Variants in S100B observed in about 807,000 individuals in gnomAD.
S100B encodes the protein S100 calcium binding protein B.
Under a neutral mutation model 7.7 loss-of-function variants are expected in S100B, and 6 were observed. The observed-to-expected ratio is 0.78, with a 90% CI of 0.43 to 1.54. The LOEUF is 1.54. S100B is among the 40% of genes most tolerant of loss of function. The probability of loss-of-function intolerance (pLI) is 0.01; values close to 1 mark genes in which losing one functional copy is unlikely to be tolerated. For missense variants in S100B, 99 were observed against 111.8 expected, an observed-to-expected ratio of 0.89 and a Z score of 0.52; for synonymous variants, 36 against 40.4, an observed-to-expected ratio of 0.89 and a Z score of 0.41.
At chr21:46,603,134 G>C (rs1400703941) in intron 1 of S100B, among the ~76,000 whole-genome samples, 1 of 151,550 alleles carries the variant, frequency 6.6e-6, no homozygotes, top group African/African-American at 2.4e-5. Context: ...TTGGATGGGT[G>C]ACATGACAAA....
chr21:46,601,335 A>G (rs1429332054), intron 2 of S100B, among the ~76,000 whole-genome samples: 2 of 152,060 alleles, frequency 1.3e-5, no homozygotes, highest in Non-Finnish European at 2.9e-5. Context: ...CATATCAGTG[A>G]CCCAGGAAGC....
chr21:46,604,456 G>A (rs1029029410), intron 1 of S100B, among the ~76,000 whole-genome samples: 11 of 152,260 alleles, frequency 7.2e-5, no homozygotes, highest in East Asian at 1.9e-4. Flanking sequence ...CCAAAACCCC[G>A]ATTTCTTTGA....
chr21:46,603,083 T>A (rs2061046170), intron 1 of S100B, among the ~76,000 whole-genome samples: 1 of 152,098 alleles, frequency 6.6e-6, no homozygotes, highest in Non-Finnish European at 1.5e-5. Context: ...TAAATTCATA[T>A]GTAAATTTAA....
At chr21:46,604,245 C>G (rs1051176592) in intron 1 of S100B, among the ~76,000 whole-genome samples, 4 of 152,136 alleles carry the variant, frequency 2.6e-5, no homozygotes, top group Non-Finnish European at 5.9e-5. Flanking sequence ...TATAGTTTAT[C>G]TTTTAAGAGA....
chr21:46,601,816 G>A (rs1601893666), intron 2 of S100B, among the ~76,000 whole-genome samples: 1 of 152,248 alleles, frequency 6.6e-6, no homozygotes, highest in South Asian at 2.1e-4. Context: ...CATGTCTGTC[G>A]TGCCTGCATA....
chr21:46,602,491 A>G (rs2061044273), intron 1 of S100B, 75 bp from the exon 2 acceptor site: 1 of 1,450,308 alleles, frequency 6.9e-7, no homozygotes, highest in African/African-American at 1.4e-5. Context: ...ATCAATACAG[A>G]CCTCAACCCA....
chr21:46,603,466 T>C (rs2839359), intron 1 of S100B, among the ~76,000 whole-genome samples: 20,251 of 142,192 alleles, frequency 0.14, 1,576 homozygotes, highest in Middle Eastern at 0.21. Context: ...TCACAGCAAG[T>C]ACCTTACGCC....
Position 46,599,361 on chromosome 21 carries a change from T to C in S100B, c.*2A>G. ...CAGGAAAGGTTTGGCTGCTTTCTAA[T>C]CTCACTCATGTTCAAAGAACTCGTG... is the stretch of plus-strand genomic sequence containing the variant. On this transcript the variant is annotated 3_prime_UTR_variant, in exon 3 of 3. Transcript: ENST00000291700. The C allele has an allele frequency of 1.2e-6, 2 of 1,613,414 alleles. No homozygotes were observed. The highest frequency in any genetic ancestry group is 1.7e-6 in the Non-Finnish European group (2 of 1,179,792).
At chr21:46,603,392 A>AGGGGGGGGGGGGAGGGGGGGGGGGGGG (rs1555923741) in intron 1 of S100B, among the ~76,000 whole-genome samples, 1 of 38,206 alleles carries the variant, frequency 2.6e-5, no homozygotes. Flanking sequence ...GGACGGCGGG[A>AGGGGGGGGGGGGAGGGGGGGGGGGGGG]GGGGGTGGGG....
At chr21:46,601,153 C>T (rs2061040304) in intron 2 of S100B, among the ~76,000 whole-genome samples, 1 of 152,198 alleles carries the variant, frequency 6.6e-6, no homozygotes, top group African/African-American at 2.4e-5. Flanking sequence ...GACTGCCGTG[C>T]TGCTGGAGCC....
intron 2 of S100B, chr21:46,600,456 G>A (rs2061038512): frequency 1.6e-5 from 6 of 382,904 alleles, no homozygotes; most frequent in South Asian, 1.2e-4. Context: ...TGAGGCGGAG[G>A]ATCGCTTGAG....
chr21:46,603,398 T>TGGGGGGAGGGGGGGGCTGGGGGGGGGGG, intron 1 of S100B, among the ~76,000 whole-genome samples: 1 of 52,070 alleles, frequency 1.9e-5, no homozygotes, highest in African/African-American at 7.1e-5. Flanking sequence ...CGGGAGGGGG[T>TGGGGGGAGGGGGGGGCTGGGGGGGGGGG]GGGGGCAGGA....
At chr21:46,602,167 C>G in intron 2 of S100B, 111 bp downstream of exon 2, 1 of 1,051,322 alleles carries the variant, frequency 9.5e-7, no homozygotes, top group Non-Finnish European at 1.4e-6. Context: ...GCCCAGGAGT[C>G]TTGGAAGGGA....
intron 1 of S100B, chr21:46,602,722 C>G (rs1009663915): frequency 8.1e-5 from 21 of 257,778 alleles, no homozygotes; most frequent in South Asian, 1.7e-4. Context: ...GGCAAAAATA[C>G]AGAGGCAGAG....
intron 1 of S100B, among the ~76,000 whole-genome samples, chr21:46,603,398 T>TGGGGGGGGAGGGGGGGGGC: frequency 1.9e-5 from 1 of 52,070 alleles, no homozygotes; most frequent in Non-Finnish European, 3.8e-5. Context: ...CGGGAGGGGG[T>TGGGGGGGGAGGGGGGGGGC]GGGGGCAGGA....
intron 1 of S100B, among the ~76,000 whole-genome samples, chr21:46,603,400 G>GGGGGAGGGGGGGGCGGGGGGGGGGGGGT: frequency 6.8e-6 from 1 of 146,698 alleles, no homozygotes; most frequent in African/African-American, 2.5e-5. Flanking sequence ...GGAGGGGGTG[G>GGGGGAGGGGGGGGCGGGGGGGGGGGGGT]GGGCAGGAAT....
chr21:46,600,329 C>T (rs1268021704), intron 2 of S100B: 1 of 429,846 alleles, frequency 2.3e-6, no homozygotes, highest in South Asian at 1.7e-5. Context: ...ATAACTTGAG[C>T]ACAGGAAGTT....
chr21:46,602,566 G>C (rs2061044629), intron 1 of S100B, 150 bp from the exon 2 acceptor site: 1 of 705,802 alleles, frequency 1.4e-6, no homozygotes, highest in South Asian at 2.2e-5. Context: ...TGGCCTGGAG[G>C]GGCATTCTGG....
intron 2 of S100B, among the ~76,000 whole-genome samples, chr21:46,601,172 C>T (rs938444496): frequency 2.6e-5 from 4 of 152,198 alleles, no homozygotes; most frequent in African/African-American, 9.7e-5. Flanking sequence ...CCAGGGCTTG[C>T]CGTCTTGCAC....
Sources: allele counts gnomAD v4.1 joint callset (sites outside exome capture counted in the v4.1 genomes callset), GRCh38; gene constraint gnomAD v4.1.1; transcripts MANE v1.5; gene names NCBI Gene and HGNC (gene_info 2026-07-23, HGNC 2026-07-21).